Variants in TSC22D1 observed in about 807,000 individuals in gnomAD.
The protein encoded by TSC22D1 is TSC22 domain family member 1.
In TSC22D1, 9 loss-of-function variants were observed where a neutral mutation model predicts 74.2. That is an observed-to-expected ratio of 0.12 (90% confidence interval 0.07 to 0.21). The LOEUF is 0.21. Among genes scored for constraint, TSC22D1 ranks in the 10% least tolerant of loss-of-function variants. TSC22D1 has a pLI of 1.00. For synonymous variants in TSC22D1, 586 were observed against 492.5 expected, an observed-to-expected ratio of 1.19 and a Z score of -2.51; for missense variants, 1,427 against 1,304.7, an observed-to-expected ratio of 1.09 and a Z score of -1.44.
At chr13:44,483,771 C>G (rs1253501050) in intron 1 of TSC22D1, among the ~76,000 whole-genome samples, 1 of 151,906 alleles carries the variant, frequency 6.6e-6, no homozygotes, top group Non-Finnish European at 1.5e-5. Context: ...CCACATTCTA[C>G]AGACTGGTCA....
At chr13:44,542,716 T>A (rs190061290) in intron 1 of TSC22D1, among the ~76,000 whole-genome samples, 1 of 152,114 alleles carries the variant, frequency 6.6e-6, no homozygotes, top group South Asian at 2.1e-4. Context: ...TAAAGAGAGC[T>A]TGCTTTAAGA....
At chr13:44,500,146 C>T (rs1031482157) in intron 1 of TSC22D1, among the ~76,000 whole-genome samples, 3 of 151,118 alleles carry the variant, frequency 2.0e-5, no homozygotes, top group South Asian at 2.1e-4. Context: ...GGCTAACTTA[C>T]GGCCCATTTT....
chr13:44,536,469 T>C (rs1024998936), intron 1 of TSC22D1, among the ~76,000 whole-genome samples: 1 of 151,896 alleles, frequency 6.6e-6, no homozygotes, highest in African/African-American at 2.4e-5. Flanking sequence ...CTCCATGCTG[T>C]CTTGATAAGA....
At chr13:44,467,851 AAAG>A (rs1489812864) in intron 1 of TSC22D1, among the ~76,000 whole-genome samples, 2 of 152,178 alleles carry the variant, frequency 1.3e-5, no homozygotes, top group African/African-American at 2.4e-5. Flanking sequence ...CAGAAAACTA[AAAG>A]AAGATCTATC....
chr13:44,468,024 T>A (rs991000890), intron 1 of TSC22D1, among the ~76,000 whole-genome samples: 2 of 150,500 alleles, frequency 1.3e-5, no homozygotes, highest in African/African-American at 2.5e-5. Flanking sequence ...ACACACACAA[T>A]GGAATAAAAA....
chr13:44,556,543 CAA>C (rs142680365), intron 1 of TSC22D1, among the ~76,000 whole-genome samples: 4 of 125,132 alleles, frequency 3.2e-5, no homozygotes, highest in Non-Finnish European at 3.4e-5. Flanking sequence ...GACGCCATCT[CAA>C]AAAAAAAAAA....
intron 1 of TSC22D1, among the ~76,000 whole-genome samples, chr13:44,494,375 CAAAAAAAAAAA>C (rs57468850): frequency 8.7e-4 from 23 of 26,474 alleles, no homozygotes; most frequent in South Asian, 8.5e-3. Context: ...GACTCCGTAT[CAAAAAAAAAAA>C]AAAAAAAAAA....
intron 1 of TSC22D1, among the ~76,000 whole-genome samples, chr13:44,507,741 A>G (rs1187208129): frequency 6.6e-6 from 1 of 152,164 alleles, no homozygotes; most frequent in Non-Finnish European, 1.5e-5. Context: ...AAGAATTTTC[A>G]CTCTTGCCTC....
chr13:44,462,111 T>C (rs1198962467), intron 1 of TSC22D1, among the ~76,000 whole-genome samples: 1 of 152,172 alleles, frequency 6.6e-6, no homozygotes, highest in Non-Finnish European at 1.5e-5. Flanking sequence ...TCATTTCAAA[T>C]GAGTCTATTA....
rs145659752 is a variant in TSC22D1, at chr13:44,573,743, G to T, written c.2332C>A (p.Gln778Lys). 5 of 1,614,082 alleles carry T rather than the reference G, an allele frequency of 3.1e-6. No individual in the cohort carries two copies. Among genetic ancestry groups the T allele is most frequent in the Non-Finnish European group, 4.2e-6 (5 of 1,180,040 alleles). Residue 778 changes from glutamine to lysine, a missense_variant, in exon 1 of 3, where the codon CAA becomes AAA. Around this residue, in one of 3 missense-constraint regions of TSC22D1, gnomAD observed 1,343 missense variants for 1,191.5 expected, o/e 1.13. Coordinates refer to ENST00000458659, the MANE Select transcript of TSC22D1 (RefSeq NM_183422.4). ...AQTGIIHQGV[Q>K]TSAPSLPQQL... ...TGAGGAAGGCTTGGAGCACTAGTTTGAACTCCCTGATGAATAATCCCAGTT... is the reference window on the plus strand; with the variant it reads ...TGAGGAAGGCTTGGAGCACTAGTTTTAACTCCCTGATGAATAATCCCAGTT...
chr13:44,465,784 C>A (rs1877244935), intron 1 of TSC22D1, among the ~76,000 whole-genome samples: 1 of 152,026 alleles, frequency 6.6e-6, no homozygotes, highest in Admixed American at 6.6e-5. Context: ...ACCAGCCTGG[C>A]CAACGTGGTG....
At chr13:44,488,562 C>T (rs1369356908) in intron 1 of TSC22D1, among the ~76,000 whole-genome samples, 1 of 151,872 alleles carries the variant, frequency 6.6e-6, no homozygotes, top group Non-Finnish European at 1.5e-5. Context: ...AAGAACAGAA[C>T]GAACCAATAT....
chr13:44,517,363 T>C (rs1043060894), intron 1 of TSC22D1, among the ~76,000 whole-genome samples: 25 of 142,952 alleles, frequency 1.7e-4, no homozygotes, highest in African/African-American at 6.1e-4. Context: ...CACACACAAA[T>C]GTACTCCTTC....
chr13:44,537,353 A>C, intron 1 of TSC22D1: 1 of 985,160 alleles, frequency 1.0e-6, no homozygotes, highest in South Asian at 4.7e-5. Flanking sequence ...TTGTAGTGGC[A>C]TGAGGTGACT....
chr13:44,477,255 C>A (rs967763334), intron 1 of TSC22D1, among the ~76,000 whole-genome samples: 1 of 152,044 alleles, frequency 6.6e-6, no homozygotes, highest in African/African-American at 2.4e-5. Flanking sequence ...GCCTGGCCAA[C>A]CTGACCTATA....
chr13:44,509,710 C>A (rs941404455), intron 1 of TSC22D1, among the ~76,000 whole-genome samples: 1 of 151,332 alleles, frequency 6.6e-6, no homozygotes, highest in Non-Finnish European at 1.5e-5. Flanking sequence ...GGTTTTTTTT[C>A]AAGGAATAGG....
chr13:44,466,650 G>A lies in TSC22D1; in HGVS notation c.2913-30555C>T, dbSNP rs1280073313. Among the ~76,000 whole-genome samples the A allele has an allele frequency of 2.6e-5, 4 of 151,844 alleles. 1 individual carries two copies. Among genetic ancestry groups the A allele is most frequent in the Admixed American group, 1.3e-4 (2 of 15,242 alleles). ...CCTGGTGTTGTGATGCATACCTGTAGCCCCAGCTACTTGGGAGGCTGAGAT... is the reference window on the plus strand; with the variant it reads ...CCTGGTGTTGTGATGCATACCTGTAACCCCAGCTACTTGGGAGGCTGAGAT... On this transcript the variant is annotated intron_variant, in intron 1 of 2. Transcript: ENST00000458659.
chr13:44,567,745 G>C (rs954149824), intron 1 of TSC22D1, among the ~76,000 whole-genome samples: 1 of 151,968 alleles, frequency 6.6e-6, no homozygotes, highest in Admixed American at 6.6e-5. Context: ...ATCCAAATAA[G>C]AGGAGTTTAA....
chr13:44,551,337 G>GTC (rs1408594964), intron 1 of TSC22D1, among the ~76,000 whole-genome samples: 2 of 150,264 alleles, frequency 1.3e-5, no homozygotes, highest in East Asian at 3.9e-4. Flanking sequence ...GTGTGTGTGT[G>GTC]TGTGACCCTG....
Sources: gnomAD v4.1 joint callset for allele counts (sites outside exome capture counted in the v4.1 genomes callset) on GRCh38, gnomAD v4.1.1 for gene constraint, gnomAD v4.1.1 regional missense constraint, MANE v1.5 for transcripts, NCBI Gene and HGNC (gene_info 2026-07-23, HGNC 2026-07-21) for gene names.